The following KCNC2 variants were observed in gnomAD, a reference collection of about 807,000 sequenced individuals.
The protein encoded by KCNC2 is potassium voltage-gated channel subfamily C member 2.
KCNC2 carries 21 observed loss-of-function variants against 44.5 expected under a neutral mutation model. That is an observed-to-expected ratio of 0.47 (90% CI 0.33 to 0.68). KCNC2 has a LOEUF of 0.68. Among genes scored for constraint, KCNC2 ranks in the 30% least tolerant of loss-of-function variants. The pLI is 0.01. For missense variants in KCNC2, 589 were observed against 826.2 expected (o/e 0.71, Z 3.52); for synonymous variants, 391 against 339.1 (o/e 1.15, Z -1.68).
intron 2 of KCNC2, among the ~76,000 whole-genome samples, chr12:75,133,284 G>A (rs546685804): frequency 5.3e-5 from 8 of 151,726 alleles, no homozygotes; most frequent in African/African-American, 1.9e-4. Flanking sequence ...AAAAGATTTG[G>A]AATATCCTCA....
chr12:75,181,966 G>A (rs11614208), intron 2 of KCNC2, among the ~76,000 whole-genome samples: 31,831 of 90,250 alleles, frequency 0.35, 5,105 homozygotes, highest in Middle Eastern at 0.49. Flanking sequence ...TAGAGACAAG[G>A]CTTCACCATG....
intron 2 of KCNC2, among the ~76,000 whole-genome samples, chr12:75,162,921 C>T (rs1411304779): frequency 6.6e-6 from 1 of 151,722 alleles, no homozygotes; most frequent in Non-Finnish European, 1.5e-5. Context: ...CTCTTTATTT[C>T]CTGTACTTTA....
intron 2 of KCNC2, among the ~76,000 whole-genome samples, chr12:75,095,832 A>G (rs929084162): frequency 4.6e-5 from 7 of 151,888 alleles, no homozygotes; most frequent in African/African-American, 1.4e-4. Flanking sequence ...AAATTTTCAA[A>G]TTTTCCTGAT....
At chr12:75,130,608 A>G (rs1888770150) in intron 2 of KCNC2, among the ~76,000 whole-genome samples, 1 of 152,316 alleles carries the variant, frequency 6.6e-6, no homozygotes, top group South Asian at 2.1e-4. Context: ...GAACACATCA[A>G]TAAGAAATTA....
intron 2 of KCNC2, among the ~76,000 whole-genome samples, chr12:75,173,598 G>A (rs1363537124): frequency 6.6e-6 from 1 of 151,828 alleles, no homozygotes; most frequent in East Asian, 1.9e-4. Flanking sequence ...CCATGCCAAT[G>A]ATTGCCATCT....
intron 2 of KCNC2, among the ~76,000 whole-genome samples, chr12:75,163,820 A>G (rs926968031): frequency 2.0e-5 from 3 of 151,706 alleles, no homozygotes; most frequent in Admixed American, 2.0e-4. Context: ...ATCTTAAAAC[A>G]CTTACAGTCT....
In KCNC2 at chr12:75,207,444, G is replaced by A; in HGVS notation, c.540C>T (p.Gly180=). ...TCTTGGCCGCCAGGTCCTCGTCGTC[G>A]CCGGGGTCGCCGCCAATGAGGTCGG... ...ETPDLIGGDP[G]DDEDLAAKRL... The change falls in exon 2 of 5, where the codon GGC becomes GGT. Residue 180 remains glycine (G), a synonymous_variant. Coordinates refer to ENST00000549446, the MANE Select transcript of KCNC2 (RefSeq NM_139137.4). This position sits in a 1 kb window ranked among gnomAD's most constrained non-coding sequence, Gnocchi z 4.1. 6.2e-7 allele frequency: 1 copy of A among 1,609,194 alleles called. No individual in the cohort carries two copies. The highest frequency in any genetic ancestry group is 8.5e-7 in the Non-Finnish European group (1 of 1,178,140).
intron 2 of KCNC2, among the ~76,000 whole-genome samples, chr12:75,060,082 T>C (rs1340471703): frequency 6.6e-5 from 10 of 152,286 alleles, no homozygotes; most frequent in Admixed American, 1.3e-4. Flanking sequence ...ATTGTTGAAA[T>C]TTTCAAGAGA....
At chr12:75,130,640 C>T (rs954414464) in intron 2 of KCNC2, among the ~76,000 whole-genome samples, 1 of 152,086 alleles carries the variant, frequency 6.6e-6, no homozygotes, top group African/African-American at 2.4e-5. Flanking sequence ...TGGTTAACAG[C>T]AAATTCATTT....
chr12:75,132,616 T>C (rs1888933675), intron 2 of KCNC2, among the ~76,000 whole-genome samples: 1 of 152,152 alleles, frequency 6.6e-6, no homozygotes, highest in African/African-American at 2.4e-5. Flanking sequence ...GAAACCTTGG[T>C]TGTAGTCATA....
chr12:75,143,208 T>C (rs1889779735), intron 2 of KCNC2, among the ~76,000 whole-genome samples: 1 of 152,160 alleles, frequency 6.6e-6, no homozygotes, highest in South Asian at 2.1e-4. Flanking sequence ...CTCACTTCCC[T>C]CATCTACGAA....
intron 2 of KCNC2, among the ~76,000 whole-genome samples, chr12:75,199,827 A>C (rs1228208261): frequency 6.6e-6 from 1 of 151,854 alleles, no homozygotes; most frequent in Non-Finnish European, 1.5e-5. Context: ...ATTATAAAAG[A>C]CTTATACACA....
chr12:75,048,015 G>A, intron 4 of KCNC2, 138 bp downstream of exon 4: 1 of 704,312 alleles, frequency 1.4e-6, no homozygotes, highest in Non-Finnish European at 2.4e-6. Context: ...AAGGAGAGAA[G>A]ATGTAATGAA....
At chr12:75,160,312 G>T (rs1891038742) in intron 2 of KCNC2, among the ~76,000 whole-genome samples, 1 of 151,626 alleles carries the variant, frequency 6.6e-6, no homozygotes, top group Admixed American at 6.6e-5. Context: ...CTTAATTTTG[G>T]ACTTCTAGTC....
Position 75,133,058 on chromosome 12 carries a change from G to A in KCNC2, c.687+74239C>T, listed in dbSNP as rs771408288. Reference sequence around the variant, plus strand: ...GACAGATAAAGTGACTATAAAAATCGATGATAGACTTTATCAACTCTATTA... The same window carrying A: ...GACAGATAAAGTGACTATAAAAATCAATGATAGACTTTATCAACTCTATTA... On this transcript the variant is annotated intron_variant, in intron 2 of 4. Coordinates refer to ENST00000549446, the MANE Select transcript of KCNC2 (RefSeq NM_139137.4). Among the ~76,000 whole-genome samples, 14 of 151,950 alleles carry A rather than the reference G, an allele frequency of 9.2e-5. No individual in the cohort carries two copies. The South Asian group carries it at 1.0e-3, about 11-fold the overall frequency.
chr12:75,086,910 G>A (rs1885079857), intron 2 of KCNC2, among the ~76,000 whole-genome samples: 2 of 151,726 alleles, frequency 1.3e-5, no homozygotes, highest in African/African-American at 2.4e-5. Context: ...TACAATGTTT[G>A]TAAATTCAAA....
At chr12:75,154,937 TC>T (rs1890655336) in intron 2 of KCNC2, among the ~76,000 whole-genome samples, 1 of 152,008 alleles carries the variant, frequency 6.6e-6, no homozygotes, top group Admixed American at 6.6e-5. Flanking sequence ...CTGTCACTGT[TC>T]TGTCTTTATT....
intron 2 of KCNC2, among the ~76,000 whole-genome samples, chr12:75,053,047 ATT>A (rs1182365099): frequency 1.3e-5 from 2 of 152,128 alleles, no homozygotes; most frequent in African/African-American, 4.8e-5. Context: ...ATGTACTACT[ATT>A]TTTTAATCAA....
At chr12:75,106,938 T>A (rs1307743629) in intron 2 of KCNC2, among the ~76,000 whole-genome samples, 1 of 152,220 alleles carries the variant, frequency 6.6e-6, no homozygotes, top group Admixed American at 6.5e-5. Context: ...ATTTTTAGAA[T>A]CAACACTACT....
Sources: allele counts gnomAD v4.1 joint callset (sites outside exome capture counted in the v4.1 genomes callset), GRCh38; gene constraint gnomAD v4.1.1; non-coding constraint Gnocchi (gnomAD v3.1); transcripts MANE v1.5; gene names NCBI Gene and HGNC (gene_info 2026-07-23, HGNC 2026-07-21).